PDE8B: variants seen among roughly 807,000 people sequenced by gnomAD.
PDE8B encodes high affinity cAMP-specific and IBMX-insensitive 3',5'-cyclic phosphodiesterase 8B.
In PDE8B, 26 loss-of-function variants were observed where a neutral mutation model predicts 101.3. The observed-to-expected ratio is 0.26, with a 90% CI of 0.19 to 0.36. The LOEUF (loss-of-function observed/expected upper bound fraction) is 0.36. Among genes scored for constraint, PDE8B ranks in the 10% least tolerant of loss-of-function variants. The pLI is 1.00. For missense variants in PDE8B, 810 were observed against 1,163.1 expected (o/e 0.70, Z 4.42); for synonymous variants, 424 against 429.3 (o/e 0.99, Z 0.15).
chr5:77,317,474 C>A (rs1774009334), intron 2 of PDE8B, among the ~76,000 whole-genome samples: 1 of 152,168 alleles, frequency 6.6e-6, no homozygotes, highest in African/African-American at 2.4e-5. Context: ...GCTCCACACA[C>A]CCCACACAGA....
intron 10 of PDE8B, among the ~76,000 whole-genome samples, chr5:77,378,042 ACAC>A (rs1561612662): frequency 4.1e-5 from 6 of 145,670 alleles, no homozygotes; most frequent in Admixed American, 2.7e-4. Context: ...ACACACACAC[ACAC>A]ACACCCCCTG....
At chr5:77,286,043 G>A (rs901156407) in intron 1 of PDE8B, among the ~76,000 whole-genome samples, 1 of 152,002 alleles carries the variant, frequency 6.6e-6, no homozygotes, top group Non-Finnish European at 1.5e-5. Flanking sequence ...AAGTCTTTGG[G>A]AATTCCAACA....
intron 1 of PDE8B, among the ~76,000 whole-genome samples, chr5:77,216,829 G>A (rs548239730): frequency 1.6e-4 from 25 of 152,118 alleles, no homozygotes; most frequent in African/African-American, 5.8e-4. Context: ...CTGTTGATTG[G>A]GGTTTTCCAG....
chr5:77,291,426 A>G, intron 1 of PDE8B: 1 of 1,611,624 alleles, frequency 6.2e-7, no homozygotes, highest in Non-Finnish European at 8.5e-7. Context: ...GACAATTGTG[A>G]CAGGTCTTGC....
At chr5:77,144,063 T>C in the PDE8B span, 7 of 152,154 alleles carry the variant, frequency 4.6e-5, no homozygotes, top group African/African-American at 1.7e-4. Flanking sequence ...ATGAGAAATC[T>C]CAGCCTTTGG....
At position 77,426,584 on chromosome 5, in the gene PDE8B, G is replaced by C. The variant is rs201812762; in HGVS notation, c.*30G>C. The C allele has an allele frequency of 1.8e-6, 2 of 1,125,328 alleles. No individual in the cohort carries two copies. Among genetic ancestry groups the C allele is most frequent in the South Asian group, 2.5e-5 (2 of 80,562 alleles). The allele number at this position is 1,125,328 out of a possible 1,614,324, so 69.7% of individuals were successfully genotyped here. On this transcript the variant is annotated 3_prime_UTR_variant, in exon 22 of 22. Transcript: ENST00000264917. ...AAGCCACAGAGGGGGCCTCTTGACC[G>C]ACAAAGGACACTGTGAATCACAGTA...
chr5:77,326,693 A>C (rs895663077), intron 3 of PDE8B, among the ~76,000 whole-genome samples: 1 of 152,158 alleles, frequency 6.6e-6, no homozygotes, highest in African/African-American at 2.4e-5. Context: ...ATAGTATATC[A>C]TAAAATATCT....
intron 10 of PDE8B, among the ~76,000 whole-genome samples, chr5:77,382,322 C>G (rs761378418): frequency 6.6e-6 from 1 of 152,162 alleles, no homozygotes; most frequent in Non-Finnish European, 1.5e-5. Flanking sequence ...CTTGTAACTT[C>G]AGCATGCACA....
chr5:77,256,264 G>A (rs1199431144), intron 1 of PDE8B, among the ~76,000 whole-genome samples: 1 of 152,112 alleles, frequency 6.6e-6, no homozygotes, highest in East Asian at 1.9e-4. Context: ...CGTATATGAG[G>A]TCTTCCCACA....
Position 77,351,051 on chromosome 5 carries a change from C to A in PDE8B, c.1018-14C>A. On this transcript the variant is annotated splice_polypyrimidine_tract_variant and intron_variant, in intron 8 of 21. Transcript: ENST00000264917. ...TTGACTGAAGGATTTTAAGAGCTCTCTTTGTCCATGTAGGAGTGGCAGGGG... is the reference window on the plus strand; with the variant it reads ...TTGACTGAAGGATTTTAAGAGCTCTATTTGTCCATGTAGGAGTGGCAGGGG... 3.7e-6 allele frequency: 6 copies of A among 1,604,210 alleles called. No homozygotes were observed. The highest frequency in any genetic ancestry group is 5.1e-6 in the Non-Finnish European group (6 of 1,170,972).
the PDE8B span, among the ~76,000 whole-genome samples, chr5:77,181,614 C>T: frequency 6.6e-6 from 1 of 152,180 alleles, no homozygotes; most frequent in East Asian, 1.9e-4. Flanking sequence ...TCCAGAAAAA[C>T]ACTGCTGGCG....
intron 1 of PDE8B, among the ~76,000 whole-genome samples, chr5:77,240,063 A>C (rs1449495261): frequency 6.6e-6 from 1 of 151,576 alleles, no homozygotes. Context: ...CAGTAACAGC[A>C]CAAGACAAAA....
chr5:77,272,849 G>A (rs945199290), intron 1 of PDE8B, among the ~76,000 whole-genome samples: 8 of 152,032 alleles, frequency 5.3e-5, no homozygotes, highest in African/African-American at 1.7e-4. Flanking sequence ...GGGAAGGGAG[G>A]GTGAGAAGGC....
At chr5:77,187,364 A>G in the PDE8B span, among the ~76,000 whole-genome samples, 1 of 152,230 alleles carries the variant, frequency 6.6e-6, no homozygotes, top group Non-Finnish European at 1.5e-5. Context: ...AGATACCCAC[A>G]AGTACCTACA....
At chr5:77,290,993 G>A in intron 1 of PDE8B, 1 of 1,612,074 alleles carries the variant, frequency 6.2e-7, no homozygotes, top group Admixed American at 1.7e-5. Context: ...TGAACCTGCT[G>A]TCCTTCACCG....
intron 1 of PDE8B, chr5:77,291,529 C>T: frequency 5.0e-6 from 8 of 1,606,038 alleles, no homozygotes; most frequent in Non-Finnish European, 6.0e-6. Context: ...GCATGGAATA[C>T]TGAAGTAAAA....
At chr5:77,415,513 AAGC>A in intron 17 of PDE8B, among the ~76,000 whole-genome samples, 2 of 151,964 alleles carry the variant, frequency 1.3e-5, no homozygotes, top group East Asian at 3.9e-4. Context: ...ACATGCCACC[AAGC>A]CCAGGCTAAT....
At chr5:77,214,551 T>A (rs1420976292) in intron 1 of PDE8B, among the ~76,000 whole-genome samples, 1 of 152,208 alleles carries the variant, frequency 6.6e-6, no homozygotes, top group Non-Finnish European at 1.5e-5. Flanking sequence ...TATTAGTGAC[T>A]GCTATGTTTT....
the PDE8B span, among the ~76,000 whole-genome samples, chr5:77,168,763 C>T: frequency 6.6e-6 from 1 of 152,196 alleles, no homozygotes; most frequent in African/African-American, 2.4e-5. Context: ...CCCATGGCTT[C>T]AGGTCCAGAC....
Sources: gnomAD v4.1 joint callset for allele counts (sites outside exome capture counted in the v4.1 genomes callset) on GRCh38, gnomAD v4.1.1 for gene constraint, MANE v1.5 for transcripts, NCBI Gene and HGNC (gene_info 2026-07-23, HGNC 2026-07-21) for gene names.